Variants in GRID2 observed in about 807,000 individuals in gnomAD.
GRID2 encodes the protein glutamate ionotropic receptor delta type subunit 2.
A neutral mutation model predicts 114.8 loss-of-function variants in GRID2; 33 were observed. The ratio of observed to expected loss-of-function variants is 0.29; its 90% CI spans 0.22 to 0.38. GRID2 has a LOEUF of 0.38. Among genes scored for constraint, GRID2 ranks in the 10% least tolerant of loss-of-function variants. The pLI is 1.00. For synonymous variants in GRID2, 505 were observed against 449.9 expected (o/e 1.12, Z -1.55); for missense variants, 1,184 against 1,257.7 (o/e 0.94, Z 0.89).
intron 11 of GRID2, among the ~76,000 whole-genome samples, chr4:93,478,951 A>G (rs994423348): frequency 3.9e-5 from 6 of 152,110 alleles, no homozygotes; most frequent in African/African-American, 1.4e-4. Flanking sequence ...GTCATTTAAA[A>G]CCAACTGAAA....
intron 1 of GRID2, among the ~76,000 whole-genome samples, chr4:92,512,562 C>A (rs924252192): frequency 1.1e-4 from 16 of 151,758 alleles, no homozygotes; most frequent in African/African-American, 3.4e-4. Context: ...TGACAATGAG[C>A]CTTTATAAAT....
intron 10 of GRID2, among the ~76,000 whole-genome samples, chr4:93,448,771 T>A (rs1369795413): frequency 1.4e-5 from 2 of 147,140 alleles, no homozygotes; most frequent in Non-Finnish European, 3.0e-5. Flanking sequence ...AAAGGCGTAA[T>A]TAGTAGTCTT....
intron 8 of GRID2, among the ~76,000 whole-genome samples, chr4:93,370,374 G>A (rs1762747920): frequency 6.7e-6 from 1 of 149,522 alleles, no homozygotes; most frequent in Non-Finnish European, 1.5e-5. Flanking sequence ...TACACACACA[G>A]ACATACACAC....
intron 1 of GRID2, among the ~76,000 whole-genome samples, chr4:92,438,102 A>G (rs1264482753): frequency 6.6e-6 from 1 of 152,184 alleles, no homozygotes; most frequent in African/African-American, 2.4e-5. Flanking sequence ...ATGACTTTCC[A>G]TCGTTGGTAT....
chr4:93,280,527 G>A (rs1752541289), intron 8 of GRID2, among the ~76,000 whole-genome samples: 1 of 151,888 alleles, frequency 6.6e-6, no homozygotes, highest in Non-Finnish European at 1.5e-5. Flanking sequence ...AGGATATAAT[G>A]CCTTTATCTC....
chr4:93,019,793 G>A (rs1723105395), intron 2 of GRID2, among the ~76,000 whole-genome samples: 6 of 151,952 alleles, frequency 3.9e-5, no homozygotes, highest in South Asian at 2.1e-4. Flanking sequence ...CTTGGTCATC[G>A]TTTTAAGAGA....
chr4:92,443,890 C>T (rs116415243), intron 1 of GRID2, among the ~76,000 whole-genome samples: 12 of 152,110 alleles, frequency 7.9e-5, no homozygotes, highest in African/African-American at 1.9e-4. Flanking sequence ...AGTCTGTGAC[C>T]GGCACCAGAG....
chr4:93,308,818 T>G (rs1447014864), intron 8 of GRID2, among the ~76,000 whole-genome samples: 1 of 152,154 alleles, frequency 6.6e-6, no homozygotes, highest in Non-Finnish European at 1.5e-5. Context: ...CTTCATCACA[T>G]CATGTAATGA....
intron 2 of GRID2, among the ~76,000 whole-genome samples, chr4:92,852,728 G>A (rs775218652): frequency 1.3e-5 from 2 of 151,522 alleles, no homozygotes; most frequent in Admixed American, 6.6e-5. Context: ...GTAGCTCCTC[G>A]TGGCGCACTC....
At chr4:92,384,310 T>C (rs2110243193) in intron 1 of GRID2, among the ~76,000 whole-genome samples, 1 of 146,948 alleles carries the variant, frequency 6.8e-6, no homozygotes, top group East Asian at 2.0e-4. Context: ...ACAAGAGCCC[T>C]TTATGTGGGG....
intron 2 of GRID2, among the ~76,000 whole-genome samples, chr4:92,899,968 A>G (rs1390199291): frequency 1.3e-5 from 2 of 152,120 alleles, no homozygotes; most frequent in East Asian, 3.9e-4. Context: ...AAGAAATTAG[A>G]TGGGAGAGGA....
At chr4:93,406,719 T>C (rs1356728062) in intron 9 of GRID2, among the ~76,000 whole-genome samples, 4 of 152,150 alleles carry the variant, frequency 2.6e-5, no homozygotes, top group African/African-American at 9.7e-5. Flanking sequence ...TATCTAAATA[T>C]CTATATAGAT....
chr4:93,739,436 A>G (rs1258174277), intron 14 of GRID2, among the ~76,000 whole-genome samples: 1 of 151,938 alleles, frequency 6.6e-6, no homozygotes, highest in Non-Finnish European at 1.5e-5. Flanking sequence ...CCTTCCTCAA[A>G]CTGCAGGGCC....
intron 4 of GRID2, among the ~76,000 whole-genome samples, chr4:93,114,652 G>C (rs557889581): frequency 1.3e-5 from 2 of 152,108 alleles, no homozygotes; most frequent in Admixed American, 6.6e-5. Flanking sequence ...GATGGTTCCT[G>C]TTTCTCAATT....
intron 1 of GRID2, among the ~76,000 whole-genome samples, chr4:92,475,987 T>C (rs1722291379): frequency 6.6e-6 from 1 of 151,782 alleles, no homozygotes; most frequent in African/African-American, 2.4e-5. Flanking sequence ...GTTGTTAGTG[T>C]ATAGAAATGC....
At chr4:92,349,241 G>A (rs1437232054) in intron 1 of GRID2, among the ~76,000 whole-genome samples, 10 of 151,988 alleles carry the variant, frequency 6.6e-5, no homozygotes, top group Admixed American at 6.6e-4. Context: ...ATAAGAGATA[G>A]GGTAGTTTTA....
At chr4:93,324,202 A>G (rs1346446068) in intron 8 of GRID2, among the ~76,000 whole-genome samples, 1 of 152,058 alleles carries the variant, frequency 6.6e-6, no homozygotes, top group African/African-American at 2.4e-5. Context: ...AATAGCTCTT[A>G]TTATTTTTAT....
At chr4:92,741,071 A>C (rs544428444) in intron 2 of GRID2, among the ~76,000 whole-genome samples, 10 of 152,234 alleles carry the variant, frequency 6.6e-5, no homozygotes, top group African/African-American at 2.2e-4. Flanking sequence ...GTGATCTGCA[A>C]ATTTTCAGTC....
chr4:92,891,846 C>A (rs1336631880), intron 2 of GRID2, among the ~76,000 whole-genome samples: 1 of 152,046 alleles, frequency 6.6e-6, no homozygotes, highest in Non-Finnish European at 1.5e-5. Flanking sequence ...ATATGTAATG[C>A]ATAAATGGCC....
Sources: gnomAD v4.1 joint callset for allele counts (sites outside exome capture counted in the v4.1 genomes callset) on GRCh38, gnomAD v4.1.1 for gene constraint, MANE v1.5 for transcripts, NCBI Gene and HGNC (gene_info 2026-07-23, HGNC 2026-07-21) for gene names.